ERI1: variants seen among roughly 807,000 people sequenced by gnomAD.
The protein encoded by ERI1 is exoribonuclease 1.
In ERI1, 39 loss-of-function variants were observed where a neutral mutation model predicts 39.7. The ratio of observed to expected loss-of-function variants is 0.98; its 90% confidence interval spans 0.76 to 1.28. The LOEUF is 1.28. Ranked by LOEUF, ERI1 falls within the 50% of genes most tolerant of loss-of-function variation. The probability of loss-of-function intolerance (pLI) is 0.00; values close to 1 mark genes in which losing one functional copy is unlikely to be tolerated. For missense variants in ERI1, 581 were observed against 416.9 expected, an observed-to-expected ratio of 1.39 and a Z score of -3.43; for synonymous variants, 204 against 149.6, an observed-to-expected ratio of 1.36 and a Z score of -2.65.
At chr8:9,079,991 C>T (rs1042042200) in intron 3 of ERI1, among the ~76,000 whole-genome samples, 1 of 114,838 alleles carries the variant, frequency 8.7e-6, no homozygotes. Context: ...TTTTTAAAGA[C>T]AAAAAAAAAA....
At chr8:9,016,460 AT>A in intron 4 of ERI1, 55 bp downstream of exon 4, 1 of 1,093,218 alleles carries the variant, frequency 9.1e-7, no homozygotes, top group Non-Finnish European at 1.3e-6. Context: ...GAAATTAGGG[AT>A]TTATTTTATA....
rs763242824 is a variant in ERI1, at chr8:9,018,424, T to C, written c.692+18T>C. Reference sequence around the variant, plus strand: ...ACAGATGGGTAAGTATTTAGGAAGATTATTTTTTTATATCTACTTTTTAAA... The same window carrying C: ...ACAGATGGGTAAGTATTTAGGAAGACTATTTTTTTATATCTACTTTTTAAA... On this transcript the variant is annotated intron_variant, in intron 5 of 6. Coordinates refer to ENST00000250263, the MANE Select transcript of ERI1 (RefSeq NM_153332.4). The C allele has an allele frequency of 1.5e-6, 2 of 1,322,806 alleles. No homozygotes were observed. Among genetic ancestry groups the C allele is most frequent in the East Asian group, 4.6e-5 (2 of 43,394 alleles). 81.9% of individuals were successfully genotyped at this position (1,322,806 alleles called of 1,614,324 possible).
At chr8:9,039,338 A>T (rs1257273423) in intron 3 of ERI1, among the ~76,000 whole-genome samples, 1 of 152,242 alleles carries the variant, frequency 6.6e-6, no homozygotes, top group Admixed American at 6.5e-5. Flanking sequence ...TTCATGATAC[A>T]TGTTCATCAT....
At chr8:9,070,053 A>T (rs1244122631) in intron 3 of ERI1, among the ~76,000 whole-genome samples, 1 of 152,118 alleles carries the variant, frequency 6.6e-6, no homozygotes, top group Non-Finnish European at 1.5e-5. Context: ...AGCCTGGTTA[A>T]CATGGTGAAA....
chr8:9,025,763 T>A (rs1403475076), intron 6 of ERI1, among the ~76,000 whole-genome samples: 1 of 151,898 alleles, frequency 6.6e-6, no homozygotes, highest in East Asian at 1.9e-4. Context: ...GTATCCCTAA[T>A]TGGAAATGAT....
intron 6 of ERI1, among the ~76,000 whole-genome samples, chr8:9,028,040 C>T (rs1797306555): frequency 6.6e-6 from 1 of 152,102 alleles, no homozygotes; most frequent in South Asian, 2.1e-4. Context: ...ATTTTCTTTC[C>T]TCATGAGGTC....
Position 9,014,381 on chromosome 8 carries a change from G to T in ERI1, c.499-1941G>T, listed in dbSNP as rs894804258. ...AAGCCTACTTGATTATCCTATTTAA[G>T]AGTGTGGCCTGTGCCCATGTTTCTG... On this transcript the variant is annotated intron_variant, in intron 3 of 6. Transcript: ENST00000250263. 2.6e-5 allele frequency among the ~76,000 whole-genome samples: 4 copies of T among 152,198 alleles called. No individual in the cohort carries two copies. The East Asian group carries it at 7.7e-4, about 29-fold the overall frequency.
chr8:9,090,635 T>G (rs1799674228), intron 3 of ERI1, among the ~76,000 whole-genome samples: 1 of 152,108 alleles, frequency 6.6e-6, no homozygotes, highest in East Asian at 1.9e-4. Flanking sequence ...AGAGAAGAAA[T>G]GAGAAAGGAA....
chr8:9,017,121 C>T (rs1049262467), intron 4 of ERI1, among the ~76,000 whole-genome samples: 7 of 152,110 alleles, frequency 4.6e-5, no homozygotes, highest in African/African-American at 1.4e-4. Flanking sequence ...CTCACTGCAA[C>T]CTCTGCCTCC....
At chr8:9,021,523 A>G (rs928773056) in intron 6 of ERI1, among the ~76,000 whole-genome samples, 19 of 152,272 alleles carry the variant, frequency 1.2e-4, no homozygotes, top group African/African-American at 4.6e-4. Context: ...GTCTTTTAAA[A>G]CTGAGAAGTA....
rs2117321867 is a variant in ERI1 at position 9,033,096 on chromosome 8, T to G, written c.*3062T>G. On this transcript the variant is annotated 3_prime_UTR_variant, in exon 7 of 7. Coordinates refer to ENST00000250263, the MANE Select transcript of ERI1 (RefSeq NM_153332.4). ...ATACTTAGAAATTTCCTCTTTGTTC[T>G]GCACCACCAACCTGTATATCAAGCC... 6.6e-6 allele frequency: 1 copy of G among 152,342 alleles called. No homozygotes were observed. 9.4% of individuals were successfully genotyped at this position (152,342 alleles called of 1,614,324 possible).
chr8:9,016,435 T>G (rs1817297146), intron 4 of ERI1, 30 bp downstream of exon 4: 1 of 1,359,350 alleles, frequency 7.4e-7, no homozygotes, highest in Non-Finnish European at 1.0e-6. Context: ...CTTTCTAGAG[T>G]TTGAAAGAGT....
intron 3 of ERI1, among the ~76,000 whole-genome samples, chr8:9,094,885 C>G (rs922707012): frequency 6.6e-6 from 1 of 152,058 alleles, no homozygotes; most frequent in African/African-American, 2.4e-5. Flanking sequence ...TTTTATGTAG[C>G]TAGTATGTAT....
chr8:9,080,997 T>C (rs1413781424), intron 3 of ERI1, among the ~76,000 whole-genome samples: 1 of 152,260 alleles, frequency 6.6e-6, no homozygotes, highest in Non-Finnish European at 1.5e-5. Context: ...AAAGGTTTAA[T>C]TGACTCACAG....
intron 3 of ERI1, among the ~76,000 whole-genome samples, chr8:9,083,789 A>G (rs1181738373): frequency 1.3e-5 from 2 of 151,876 alleles, no homozygotes; most frequent in East Asian, 3.9e-4. Context: ...CCCTGTCTCT[A>G]TGATTTTTTT....
chr8:9,073,765 C>G (rs1163886348), intron 3 of ERI1, among the ~76,000 whole-genome samples: 1 of 152,088 alleles, frequency 6.6e-6, no homozygotes, highest in Non-Finnish European at 1.5e-5. Context: ...TTCAATTAAT[C>G]TTTCTCTATG....
chr8:9,095,428 C>T (rs925117059), intron 3 of ERI1, among the ~76,000 whole-genome samples: 3 of 152,142 alleles, frequency 2.0e-5, no homozygotes, highest in African/African-American at 7.2e-5. Context: ...GTAAGGAGTT[C>T]AGCATTGCAA....
intron 3 of ERI1, among the ~76,000 whole-genome samples, chr8:9,016,071 T>C (rs1461120958): frequency 6.6e-6 from 1 of 152,196 alleles, no homozygotes; most frequent in African/African-American, 2.4e-5. Flanking sequence ...CTCAGGAAAA[T>C]AATTAAATTT....
chr8:9,008,931 C>T, intron 2 of ERI1: 1 of 445,602 alleles, frequency 2.2e-6, no homozygotes, highest in Non-Finnish European at 4.5e-6. Flanking sequence ...AGTTTCACCA[C>T]TCTTCAAAAG....
Sources: allele counts gnomAD v4.1 joint callset (sites outside exome capture counted in the v4.1 genomes callset), GRCh38; gene constraint gnomAD v4.1.1; transcripts MANE v1.5; gene names NCBI Gene and HGNC (gene_info 2026-07-23, HGNC 2026-07-21).